Variants in SEMA4A observed in about 807,000 individuals in gnomAD.
SEMA4A encodes the protein semaphorin 4A, also known as semaphorin-4A.
A neutral mutation model predicts 72.5 loss-of-function variants in SEMA4A; 52 were observed. That is an observed-to-expected ratio of 0.72 (90% CI 0.57 to 0.90). The LOEUF (loss-of-function observed/expected upper bound fraction) is 0.90. SEMA4A is among the 40% of genes least tolerant of loss of function. The probability of loss-of-function intolerance (pLI) is 0.00; values close to 1 mark genes in which losing one functional copy is unlikely to be tolerated. For synonymous variants in SEMA4A, 369 were observed against 393.1 expected, an observed-to-expected ratio of 0.94 and a Z score of 0.73; for missense variants, 926 against 959.7, an observed-to-expected ratio of 0.96 and a Z score of 0.46.
intron 6 of SEMA4A, among the ~76,000 whole-genome samples, chr1:156,159,189 C>A (rs1333124057): frequency 6.6e-6 from 1 of 151,870 alleles, no homozygotes; most frequent in Non-Finnish European, 1.5e-5. Flanking sequence ...CAAAAATTAT[C>A]CAGGCGTGGT....
chr1:156,157,354 TTC>T lies in SEMA4A; in HGVS notation c.301-714_301-713del. On this transcript the variant is annotated intron_variant, in intron 3 of 14. Coordinates refer to ENST00000368285, the MANE Select transcript of SEMA4A (RefSeq NM_022367.4). The surrounding 1 kb of genome is among the most constrained non-coding windows in gnomAD (Gnocchi z 4.5). ...GCCCGCCACTAGGCATGGCTGATTT[TTC>T]TGTTTTTAGTAGAGACGGGGTTTCA... 6.6e-6 allele frequency among the ~76,000 whole-genome samples: 1 copy of T among 152,086 alleles called. No homozygotes were observed. Among genetic ancestry groups the T allele is most frequent in the East Asian group, 1.9e-4 (1 of 5,140 alleles).
Position 156,177,437 on chromosome 1 carries a change from C to T in SEMA4A, c.*440C>T, listed in dbSNP as rs918822200. 3 of 275,054 alleles carry T rather than the reference C, an allele frequency of 1.1e-5. No individual in the cohort carries two copies. The highest frequency in any genetic ancestry group is 4.9e-5 in the Admixed American group (1 of 20,214). The allele number at this position is 275,054 out of a possible 1,614,324, so 17.0% of individuals were successfully genotyped here. Reference sequence around the variant, plus strand: ...TGGAAACTCCACTCTGAAGCTGCCGCTTTGGACACCAACACTCCCTTCTCC... The same window carrying T: ...TGGAAACTCCACTCTGAAGCTGCCGTTTTGGACACCAACACTCCCTTCTCC... On this transcript the variant is annotated 3_prime_UTR_variant, in exon 15 of 15. Coordinates refer to ENST00000368285, the MANE Select transcript of SEMA4A (RefSeq NM_022367.4).
intron 10 of SEMA4A, among the ~76,000 whole-genome samples, chr1:156,166,102 T>A (rs1654133051): frequency 6.6e-6 from 1 of 152,102 alleles, no homozygotes; most frequent in Non-Finnish European, 1.5e-5. Flanking sequence ...AGACAGGGTT[T>A]CACCATGTTG....
chr1:156,155,183 A>C (rs1652900111), intron 2 of SEMA4A: 1 of 165,216 alleles, frequency 6.1e-6, no homozygotes. Context: ...GGACCATGGG[A>C]TGGCTGGTTG....
intron 2 of SEMA4A, 139 bp from the exon 3 acceptor site, chr1:156,156,275 G>A: frequency 2.6e-6 from 2 of 763,874 alleles, no homozygotes; most frequent in Non-Finnish European, 2.3e-6. Flanking sequence ...AAGAACTGCT[G>A]GTGGAGGAGA....
chr1:156,160,413 A>G (rs760954058), intron 6 of SEMA4A, 30 bp from the exon 7 acceptor site: 1 of 1,537,880 alleles, frequency 6.5e-7, no homozygotes, highest in South Asian at 1.1e-5. Flanking sequence ...CCACCCCATC[A>G]GTTCTCTCTT....
chr1:156,173,139 C>A, intron 11 of SEMA4A, 133 bp downstream of exon 11: 1 of 936,480 alleles, frequency 1.1e-6, no homozygotes, highest in Non-Finnish European at 1.7e-6. Flanking sequence ...ATGTGCCTGG[C>A]ATTCTGCTAG....
Position 156,176,398 on chromosome 1 carries a change from C to T in SEMA4A, c.1694-7C>T. On this transcript the variant is annotated splice_region_variant and splice_polypyrimidine_tract_variant and intron_variant, in intron 14 of 14. Transcript: ENST00000368285. ...TTAACCCTTTTGCTCCTTTCTTTCTCCTACAGTTAAAGAAGTCCTGGCTGT... is the reference window on the plus strand; with the variant it reads ...TTAACCCTTTTGCTCCTTTCTTTCTTCTACAGTTAAAGAAGTCCTGGCTGT... 1 of 1,605,146 alleles carries T rather than the reference C, an allele frequency of 6.2e-7. No individual in the cohort carries two copies. The highest frequency in any genetic ancestry group is 1.1e-5 in the South Asian group (1 of 90,848).
intron 1 of SEMA4A, 75 bp from the exon 2 acceptor site, chr1:156,154,475 G>A (rs1158341938): frequency 7.4e-7 from 1 of 1,357,162 alleles, no homozygotes; most frequent in East Asian, 2.5e-5. Flanking sequence ...GCTGCCTGGG[G>A]CTCTCCTATT....
At position 156,158,373 on chromosome 1, in the gene SEMA4A, C is replaced by A. The variant is rs751388643; in HGVS notation, c.364-15C>A. 1.3e-4 allele frequency: 206 copies of A among 1,601,202 alleles called. No individual in the cohort carries two copies. Among genetic ancestry groups the A allele is most frequent in the Non-Finnish European group, 1.7e-4 (198 of 1,168,352 alleles). On this transcript the variant is annotated splice_polypyrimidine_tract_variant and intron_variant, in intron 4 of 14. Coordinates refer to ENST00000368285, the MANE Select transcript of SEMA4A (RefSeq NM_022367.4). The stretch of plus-strand genomic sequence containing the variant: ...GTCAGGTGGCCTGGAGACCTAAATT[C>A]TCTGTCTCCCTCAGACACAGTGTTT...
intron 14 of SEMA4A, 128 bp downstream of exon 14, chr1:156,175,784 G>T (rs1424791659): frequency 4.1e-6 from 3 of 730,910 alleles, no homozygotes; most frequent in Non-Finnish European, 7.4e-6. Context: ...ACCCGAGTTG[G>T]GATGGATTTG....
Position 156,177,361 on chromosome 1 carries a change from A to G in SEMA4A, c.*364A>G, listed in dbSNP as rs975980509. The G allele has an allele frequency of 2.7e-6, 1 of 366,894 alleles. No individual in the cohort carries two copies. The highest frequency in any genetic ancestry group is 2.5e-5 in the South Asian group (1 of 40,164). The allele number at this position is 366,894 out of a possible 1,614,324, so 22.7% of individuals were successfully genotyped here. A position where few individuals can be genotyped will look rare whatever the true frequency, so the allele number is the denominator to read the frequency against. On this transcript the variant is annotated 3_prime_UTR_variant, in exon 15 of 15. Coordinates refer to ENST00000368285, the MANE Select transcript of SEMA4A (RefSeq NM_022367.4). ...AAAAACCTGCCTGTCCCAGGACCCT[A>G]TGGTAATGAACACCAAACATCTAAA... is the stretch of plus-strand genomic sequence containing the variant.
intron 10 of SEMA4A, among the ~76,000 whole-genome samples, chr1:156,164,809 TA>T (rs1654007641): frequency 6.6e-6 from 1 of 152,180 alleles, no homozygotes; most frequent in African/African-American, 2.4e-5. Flanking sequence ...TTTTTATTTT[TA>T]TTTTTTTTGA....
intron 10 of SEMA4A, chr1:156,163,332 A>G (rs1653856003): frequency 7.4e-6 from 4 of 538,310 alleles, no homozygotes; most frequent in Non-Finnish European, 1.0e-5. Context: ...TACACCAAAT[A>G]TCTGGGTATA....
At chr1:156,161,299 G>GGTC in intron 8 of SEMA4A, 47 bp from the exon 9 acceptor site, 2 of 1,222,504 alleles carry the variant, frequency 1.6e-6, no homozygotes, top group Non-Finnish European at 2.2e-6. Context: ...GCGGGGCTGG[G>GGTC]GGGTCGGGGC....
intron 11 of SEMA4A, among the ~76,000 whole-genome samples, chr1:156,173,556 G>A (rs1655009357): frequency 6.6e-6 from 1 of 152,076 alleles, no homozygotes; most frequent in Non-Finnish European, 1.5e-5. Flanking sequence ...GTTGTGGCGG[G>A]AGCAGGCGGC....
chr1:156,154,411 AG>A (rs1652804718), intron 1 of SEMA4A, 138 bp from the exon 2 acceptor site: 1 of 730,656 alleles, frequency 1.4e-6, no homozygotes, highest in Non-Finnish European at 2.3e-6. Flanking sequence ...CCTTCCAGAT[AG>A]GGAACCTTCT....
intron 2 of SEMA4A, chr1:156,156,002 C>T: frequency 3.6e-6 from 1 of 274,408 alleles, no homozygotes; most frequent in Non-Finnish European, 7.3e-6. Flanking sequence ...GCGAGAGGGA[C>T]TCTGACATAC....
chr1:156,161,219 C>A (rs1425295505), intron 8 of SEMA4A, 127 bp from the exon 9 acceptor site: 1 of 396,798 alleles, frequency 2.5e-6, no homozygotes, highest in Admixed American at 6.7e-5. Context: ...GCTGAGGGGG[C>A]GGGGTGGGGA....
Sources: allele counts gnomAD v4.1 joint callset (sites outside exome capture counted in the v4.1 genomes callset), GRCh38; gene constraint gnomAD v4.1.1; non-coding constraint Gnocchi (gnomAD v3.1); transcripts MANE v1.5; gene names NCBI Gene and HGNC (gene_info 2026-07-23, HGNC 2026-07-21).